Variants in TRPM2 observed in about 807,000 individuals in gnomAD.
TRPM2 encodes estrogen-responsive element-associated gene 1 protein.
Under a neutral mutation model 174.0 loss-of-function variants are expected in TRPM2, and 161 were observed. That is an observed-to-expected ratio of 0.93 (90% CI 0.81 to 1.05). The LOEUF is 1.05. TRPM2 is among the 50% of genes least tolerant of loss of function. The pLI is 0.00. For synonymous variants in TRPM2, 954 were observed against 861.3 expected (o/e 1.11, Z -1.88); for missense variants, 2,057 against 2,038.0 (o/e 1.01, Z -0.18).
At position 44,435,216 on chromosome 21, in the gene TRPM2, C is replaced by T. The variant is rs138685995; in HGVS notation, c.4060C>T (p.Arg1354Trp). Reference sequence around the variant, plus strand: ...CCACACGCTGTACCCCATGGTCACGCGGTGAGTTCATGTGTGCCGGGCACC... The same window carrying T: ...CCACACGCTGTACCCCATGGTCACGTGGTGAGTTCATGTGTGCCGGGCACC... Reference protein sequence around the residue: ...PNHTLYPMVTRWRRNEDGAIC... With the variant: ...PNHTLYPMVTWWRRNEDGAIC... Residue 1354 changes from arginine (R) to tryptophan (W), a missense_variant and splice_region_variant, in exon 28 of 32, where the codon CGG (arginine) becomes TGG (tryptophan). Physicochemically the swap from Arg to Trp is moderately radical, Grantham distance 101 (BLOSUM62 -3). Coordinates refer to ENST00000397928, the MANE Select transcript of TRPM2 (RefSeq NM_003307.4). 126 of 1,612,620 alleles carry T rather than the reference C, an allele frequency of 7.8e-5. 1 individual carries two copies. Among genetic ancestry groups the T allele is most frequent in the South Asian group, 1.4e-4 (13 of 91,044 alleles).
At chr21:44,423,214 C>T (rs1367371910) in intron 22 of TRPM2, among the ~76,000 whole-genome samples, 1 of 150,080 alleles carries the variant, frequency 6.7e-6, no homozygotes, top group Admixed American at 6.7e-5. Flanking sequence ...CTTAGAACAG[C>T]AGCACTGCTC....
At chr21:44,405,554 G>A (rs1030132987) in intron 17 of TRPM2, among the ~76,000 whole-genome samples, 6 of 152,122 alleles carry the variant, frequency 3.9e-5, no homozygotes, top group Admixed American at 1.3e-4. Context: ...CGCGGCTGCC[G>A]CTTTCTCCCT....
chr21:44,421,296 C>T (rs528831182), intron 22 of TRPM2, among the ~76,000 whole-genome samples: 188 of 151,424 alleles, frequency 1.2e-3, no homozygotes, highest in African/African-American at 3.8e-3. Flanking sequence ...CCAGCCTGGG[C>T]GACAGAGCAA....
chr21:44,431,901 C>T (rs1209855168), intron 27 of TRPM2, among the ~76,000 whole-genome samples: 1 of 152,202 alleles, frequency 6.6e-6, no homozygotes, highest in African/African-American at 2.4e-5. Context: ...CGTCTCTACC[C>T]TGGGTTGTTG....
At chr21:44,406,564 A>T in intron 18 of TRPM2, 30 bp from the exon 19 acceptor site, 1 of 1,591,148 alleles carries the variant, frequency 6.3e-7, no homozygotes, top group South Asian at 1.1e-5. Flanking sequence ...GGGCCAGGAG[A>T]GTGTAGCCCA....
At chr21:44,381,031 G>A (rs1555890401) in intron 8 of TRPM2, among the ~76,000 whole-genome samples, 1 of 152,162 alleles carries the variant, frequency 6.6e-6, no homozygotes, top group Non-Finnish European at 1.5e-5. Context: ...TGCTGGATGA[G>A]GGTGGAGTTC....
At chr21:44,370,713 C>G (rs547147208) in intron 5 of TRPM2, among the ~76,000 whole-genome samples, 2 of 152,392 alleles carry the variant, frequency 1.3e-5, no homozygotes, top group South Asian at 4.1e-4. Flanking sequence ...CTTCGCCTTC[C>G]TTTGCGTCAG....
rs45616243 is a variant in TRPM2, at chr21:44,364,486, C to G, written c.423+204C>G. 4.1e-3 allele frequency among the ~76,000 whole-genome samples: 621 copies of G among 152,232 alleles called. 1 individual carries two copies. Among genetic ancestry groups the G allele is most frequent in the African/African-American group, 0.014 (571 of 41,544 alleles). On this transcript the variant is annotated intron_variant, in intron 3 of 31. Transcript: ENST00000397928. ...TGCACCCCACTCTCAGAGTGCTTGG[C>G]CATCTGCAAAGCAGGGTGGGGCACA...
chr21:44,428,707 ATGTGGCTCCTCCCTGAGG>A (rs1369399928), intron 27 of TRPM2, among the ~76,000 whole-genome samples: 1 of 12,132 alleles, frequency 8.2e-5, no homozygotes. Context: ...CTCCCCTGAG[ATGTGGCTCCTCCCTGAGG>A]TGTGGCTCCT....
chr21:44,365,657 T>C (rs939210525), intron 3 of TRPM2, among the ~76,000 whole-genome samples: 1 of 152,182 alleles, frequency 6.6e-6, no homozygotes, highest in African/African-American at 2.4e-5. Flanking sequence ...GGGGTCTGGC[T>C]GCATCCCTCC....
At chr21:44,358,379 G>GCC (rs139826939) in intron 2 of TRPM2, among the ~76,000 whole-genome samples, 2 of 151,942 alleles carry the variant, frequency 1.3e-5, no homozygotes, top group Admixed American at 6.6e-5. Context: ...GAGGCAGGGA[G>GCC]CCCCCCTTGG....
intron 2 of TRPM2, among the ~76,000 whole-genome samples, chr21:44,363,150 A>C (rs1271970223): frequency 6.6e-6 from 1 of 152,150 alleles, no homozygotes; most frequent in Non-Finnish European, 1.5e-5. Flanking sequence ...CTTTGGATTT[A>C]TCCTGTCTGG....
At chr21:44,403,389 G>A (rs1490068161) in intron 16 of TRPM2, among the ~76,000 whole-genome samples, 1 of 152,200 alleles carries the variant, frequency 6.6e-6, no homozygotes, top group Non-Finnish European at 1.5e-5. Flanking sequence ...AAGAAACAGT[G>A]TGGCCCCTGA....
chr21:44,366,859 G>C lies in TRPM2; in HGVS notation c.529G>C (p.Ala177Pro). ...PNLLISVTGG[A>P]KNFNMKPRLK... The stretch of plus-strand genomic sequence containing the variant: ...TCTCTTGATCTCGGTGACCGGGGGG[G>C]CCAAGAACTTCAACATGAAGCCGCG... Residue 177 changes from alanine (A) to proline (P), a missense_variant, in exon 4 of 32, where the codon GCC (alanine) becomes CCC (proline). By Grantham distance (27) the Ala-to-Pro change is conservative (BLOSUM62 -1). Transcript: ENST00000397928. This position sits in a 1 kb window ranked among gnomAD's most constrained non-coding sequence, Gnocchi z 6.0. 1.2e-6 allele frequency: 2 copies of C among 1,613,548 alleles called. No individual in the cohort carries two copies. The highest frequency in any genetic ancestry group is 1.7e-6 in the Non-Finnish European group (2 of 1,179,772).
At chr21:44,413,776 A>G in intron 19 of TRPM2, 115 bp from the exon 20 acceptor site, 1 of 1,241,582 alleles carries the variant, frequency 8.1e-7, no homozygotes. Flanking sequence ...AATGAGCAGC[A>G]TCAGGCCTGC....
At chr21:44,408,518 G>A (rs115288287) in intron 19 of TRPM2, among the ~76,000 whole-genome samples, 103 of 151,782 alleles carry the variant, frequency 6.8e-4, no homozygotes, top group African/African-American at 2.2e-3. Flanking sequence ...CTCGCATCCC[G>A]GTGGGTGAGA....
rs542056478 is a variant in TRPM2 at position 44,353,853 on chromosome 21, C to A, written c.153C>A (p.Gly51=). The part of the protein sequence containing the change: ...FKSWRLQCPF[G]NNDKQESLSS... Reference sequence around the variant, plus strand: ...GCTGGAGGCTACAGTGCCCCTTCGGCAACAATGACAAGGTAGGCTTTCTGC... The same window carrying A: ...GCTGGAGGCTACAGTGCCCCTTCGGAAACAATGACAAGGTAGGCTTTCTGC... The change falls in exon 1 of 32, where the codon GGC becomes GGA. Residue 51 remains glycine, a synonymous_variant. Coordinates refer to ENST00000397928, the MANE Select transcript of TRPM2 (RefSeq NM_003307.4). 71 of 1,597,800 alleles carry A rather than the reference C, an allele frequency of 4.4e-5. 1 individual carries two copies. The South Asian group carries it at 7.8e-4, about 18-fold the overall frequency.
intron 2 of TRPM2, among the ~76,000 whole-genome samples, chr21:44,360,973 C>T (rs1337011894): frequency 6.6e-6 from 1 of 152,122 alleles, no homozygotes; most frequent in African/African-American, 2.4e-5. Context: ...ATGGTCAGCT[C>T]ACCTTCTCCC....
chr21:44,436,672 G>T (rs1197440540), intron 28 of TRPM2, among the ~76,000 whole-genome samples: 1 of 138,082 alleles, frequency 7.2e-6, no homozygotes, highest in Non-Finnish European at 1.6e-5. Flanking sequence ...CCCCCAGGCT[G>T]CACTCAGCAT....
Sources: gnomAD v4.1 joint callset for allele counts (sites outside exome capture counted in the v4.1 genomes callset) on GRCh38, gnomAD v4.1.1 for gene constraint, Gnocchi (gnomAD v3.1) non-coding constraint, MANE v1.5 for transcripts, NCBI Gene and HGNC (gene_info 2026-07-23, HGNC 2026-07-21) for gene names.